WDR72: variants seen among roughly 807,000 people sequenced by gnomAD.
WDR72 encodes the protein WD repeat-containing protein 72.
A neutral mutation model predicts 124.2 loss-of-function variants in WDR72; 120 were observed. The observed-to-expected ratio is 0.97, with a 90% CI of 0.83 to 1.12. The LOEUF (loss-of-function observed/expected upper bound fraction) is 1.12. Ranked by LOEUF, WDR72 falls within the 50% of genes most tolerant of loss-of-function variation. The pLI is 0.00. For synonymous variants in WDR72, 452 were observed against 441.7 expected (o/e 1.02, Z -0.29); for missense variants, 1,387 against 1,278.8 (o/e 1.08, Z -1.29).
intron 13 of WDR72, among the ~76,000 whole-genome samples, chr15:53,684,793 G>A (rs2016550100): frequency 6.6e-6 from 1 of 151,510 alleles, no homozygotes; most frequent in African/African-American, 2.4e-5. Flanking sequence ...AGTAACCTCT[G>A]CAGACTTAAA....
At chr15:53,628,211 T>TC (rs1282186298) in intron 14 of WDR72, among the ~76,000 whole-genome samples, 5 of 152,182 alleles carry the variant, frequency 3.3e-5, no homozygotes, top group African/African-American at 4.8e-5. Flanking sequence ...TAGTTAATCT[T>TC]CAAGTTTCTA....
chr15:53,760,705 G>C (rs569552751), upstream of WDR72, among the ~76,000 whole-genome samples: 1 of 152,224 alleles, frequency 6.6e-6, no homozygotes, highest in Non-Finnish European at 1.5e-5. Context: ...CCTAGCAATC[G>C]GGTTGCTGGA....
At chr15:53,596,046 A>AC (rs1173753957) in intron 18 of WDR72, among the ~76,000 whole-genome samples, 15 of 152,156 alleles carry the variant, frequency 9.9e-5, no homozygotes, top group Admixed American at 6.6e-4. Flanking sequence ...AAACAATGAG[A>AC]AGAAATCATT....
intron 14 of WDR72, among the ~76,000 whole-genome samples, chr15:53,617,193 T>G (rs2013801195): frequency 6.6e-6 from 1 of 151,922 alleles, no homozygotes; most frequent in Non-Finnish European, 1.5e-5. Context: ...TTTGTAAAAT[T>G]TTACGTACAA....
rs1445772548 is a variant in WDR72 at position 53,534,404 on chromosome 15, C to T, written c.3149-11082G>A. Among the ~76,000 whole-genome samples the T allele has an allele frequency of 2.0e-5, 3 of 152,108 alleles. 1 individual carries two copies. Among genetic ancestry groups the T allele is most frequent in the Middle Eastern group, 6.3e-3 (2 of 316 alleles). ...AGTCATGCGTTGCAAAAGATTACAC[C>T]TTCTCCCTACAACAGAAGGGGAAAT... is the stretch of plus-strand genomic sequence containing the variant. On this transcript the variant is annotated intron_variant, in intron 18 of 19. Coordinates refer to ENST00000360509, the MANE Select transcript of WDR72 (RefSeq NM_182758.4).
intron 13 of WDR72, among the ~76,000 whole-genome samples, chr15:53,691,706 A>T (rs1325951534): frequency 6.6e-6 from 1 of 151,294 alleles, no homozygotes; most frequent in Non-Finnish European, 1.5e-5. Flanking sequence ...AGTATTCCAC[A>T]TACAGTAACT....
At chr15:53,532,297 G>A (rs1892525062) in intron 18 of WDR72, among the ~76,000 whole-genome samples, 1 of 152,064 alleles carries the variant, frequency 6.6e-6, no homozygotes, top group Non-Finnish European at 1.5e-5. Context: ...TGGGGTACAT[G>A]TCCAAAACAA....
intron 18 of WDR72, among the ~76,000 whole-genome samples, chr15:53,549,178 C>T (rs1893619045): frequency 6.6e-6 from 1 of 152,164 alleles, no homozygotes; most frequent in Non-Finnish European, 1.5e-5. Context: ...GAGGAAACAA[C>T]AATAAAAGAT....
chr15:53,648,948 G>T (rs2015139582), intron 14 of WDR72, among the ~76,000 whole-genome samples: 1 of 151,916 alleles, frequency 6.6e-6, no homozygotes, highest in Admixed American at 6.6e-5. Flanking sequence ...ACAAACCAGG[G>T]CTCCCAAATT....
intron 18 of WDR72, among the ~76,000 whole-genome samples, chr15:53,584,400 T>G (rs2012091964): frequency 6.6e-6 from 1 of 151,900 alleles, no homozygotes; most frequent in Non-Finnish European, 1.5e-5. Flanking sequence ...GAGGCAAGCT[T>G]TCCCTCCCCT....
intron 13 of WDR72, among the ~76,000 whole-genome samples, chr15:53,678,878 A>C (rs141953730): frequency 2.1e-3 from 315 of 152,350 alleles, no homozygotes; most frequent in Non-Finnish European, 4.7e-4. Context: ...AGCATTATTC[A>C]CAAGAGCCAA....
intron 18 of WDR72, among the ~76,000 whole-genome samples, chr15:53,539,973 A>G (rs1181290065): frequency 1.3e-5 from 2 of 152,212 alleles, no homozygotes; most frequent in African/African-American, 4.8e-5. Flanking sequence ...TTTAAAAAGC[A>G]GTGGTCACAA....
intron 1 of WDR72, among the ~76,000 whole-genome samples, chr15:53,742,907 A>G (rs1359383839): frequency 6.6e-6 from 1 of 152,286 alleles, no homozygotes; most frequent in East Asian, 1.9e-4. Context: ...TCATATAATC[A>G]ATACAGCTAT....
intron 18 of WDR72, among the ~76,000 whole-genome samples, chr15:53,579,214 G>T (rs2011784800): frequency 1.3e-5 from 2 of 152,194 alleles, no homozygotes; most frequent in South Asian, 4.2e-4. Flanking sequence ...CATCATTGAA[G>T]GGTTTTAAGT....
At chr15:53,684,096 A>G (rs564237600) in intron 13 of WDR72, 1 of 152,304 alleles carries the variant, frequency 6.6e-6, no homozygotes, top group South Asian at 2.1e-4. Context: ...ATATCTTTGT[A>G]TACGTTAATA....
intron 14 of WDR72, among the ~76,000 whole-genome samples, chr15:53,646,196 C>T (rs2015035671): frequency 6.6e-6 from 1 of 152,018 alleles, no homozygotes; most frequent in Non-Finnish European, 1.5e-5. Context: ...TAGTTTATTT[C>T]TACTTCTCAA....
At chr15:53,730,735 C>T (rs2018176261) in intron 2 of WDR72, among the ~76,000 whole-genome samples, 9 of 152,134 alleles carry the variant, frequency 5.9e-5, no homozygotes, top group Admixed American at 5.9e-4. Context: ...CTTCTGTCCT[C>T]AAGGACTCCT....
At chr15:53,623,238 T>C (rs2014073128) in intron 14 of WDR72, among the ~76,000 whole-genome samples, 1 of 152,114 alleles carries the variant, frequency 6.6e-6, no homozygotes, top group Admixed American at 6.6e-5. Flanking sequence ...TAGTACCCAA[T>C]AGTTGGTTTT....
intron 13 of WDR72, among the ~76,000 whole-genome samples, chr15:53,689,621 C>T (rs1374237417): frequency 6.8e-6 from 1 of 147,588 alleles, no homozygotes; most frequent in East Asian, 2.0e-4. Context: ...GTTGGTAGGA[C>T]TGTAAACTAG....
Sources: gnomAD v4.1 joint callset for allele counts (sites outside exome capture counted in the v4.1 genomes callset) on GRCh38, gnomAD v4.1.1 for gene constraint, MANE v1.5 for transcripts, NCBI Gene and HGNC (gene_info 2026-07-23, HGNC 2026-07-21) for gene names.